RPRD1A: variants seen among roughly 807,000 people sequenced by gnomAD.
RPRD1A encodes regulation of nuclear pre-mRNA domain-containing protein 1A.
In RPRD1A, 9 loss-of-function variants were observed where a neutral mutation model predicts 37.8. The observed-to-expected ratio is 0.24, with a 90% confidence interval of 0.14 to 0.42. The LOEUF (loss-of-function observed/expected upper bound fraction) is 0.42, where lower values mean the gene tolerates loss of function less well. RPRD1A is among the 10% of genes least tolerant of loss of function. The probability of loss-of-function intolerance (pLI) is 1.00; values close to 1 mark genes in which losing one functional copy is unlikely to be tolerated. For synonymous variants in RPRD1A, 138 were observed against 139.7 expected (o/e 0.99, Z 0.08); for missense variants, 255 against 371.0 (o/e 0.69, Z 2.57).
At chr18:36,058,810 T>C (rs185628171) in intron 1 of RPRD1A, among the ~76,000 whole-genome samples, 2 of 152,324 alleles carry the variant, frequency 1.3e-5, no homozygotes, top group Admixed American at 1.3e-4. Flanking sequence ...CATCTATTAT[T>C]TGCCTTTTTT....
At position 36,067,185 on chromosome 18, in the gene RPRD1A, C is replaced by A. The variant is rs2089048742; in HGVS notation, c.151+69G>T. ...CGGGAAGCCGGGGGCGCTGGAGAAA[C>A]GGGGTTCCCGGGGGCGCCTGGAGGC... On this transcript the variant is annotated intron_variant, in intron 1 of 6. Transcript: ENST00000399022. 8 of 1,478,144 alleles carry A rather than the reference C, an allele frequency of 5.4e-6. No individual in the cohort carries two copies. In the East Asian group the frequency reaches 7.6e-5, roughly 14 times the overall value. The allele number at this position is 1,478,144 out of a possible 1,614,324, so 91.6% of individuals were successfully genotyped here. A position where few individuals can be genotyped will look rare whatever the true frequency, so the allele number is the denominator to read the frequency against.
At chr18:36,040,741 T>C (rs1912522319) in intron 1 of RPRD1A, 2 of 985,508 alleles carry the variant, frequency 2.0e-6, no homozygotes, top group Admixed American at 5.3e-5. Flanking sequence ...TAATCATCCC[T>C]AAAAATTTCT....
At chr18:36,058,444 T>G (rs1042966862) in intron 1 of RPRD1A, among the ~76,000 whole-genome samples, 2 of 152,266 alleles carry the variant, frequency 1.3e-5, no homozygotes, top group African/African-American at 4.8e-5. Flanking sequence ...GTTTGTTTAA[T>G]GTAGGAACAC....
chr18:35,995,567 C>G (rs1908999359), intron 6 of RPRD1A, among the ~76,000 whole-genome samples: 1 of 152,122 alleles, frequency 6.6e-6, no homozygotes, highest in Non-Finnish European at 1.5e-5. Flanking sequence ...TGTGCCCGGC[C>G]TTGTCTCCAA....
intron 6 of RPRD1A, among the ~76,000 whole-genome samples, chr18:36,009,307 T>C (rs1480059157): frequency 6.6e-6 from 1 of 152,006 alleles, no homozygotes; most frequent in Non-Finnish European, 1.5e-5. Context: ...ACTGCCCTTT[T>C]CCCCCGTTCC....
At chr18:36,050,526 A>T (rs867833408) in intron 1 of RPRD1A, among the ~76,000 whole-genome samples, 7 of 148,728 alleles carry the variant, frequency 4.7e-5, no homozygotes, top group East Asian at 2.0e-4. Flanking sequence ...GAATATACAT[A>T]AAAAAAAAAC....
At chr18:36,044,524 C>T (rs1314412560) in intron 1 of RPRD1A, among the ~76,000 whole-genome samples, 1 of 151,856 alleles carries the variant, frequency 6.6e-6, no homozygotes, top group African/African-American at 2.4e-5. Flanking sequence ...CCCATCTCTA[C>T]TAAAAATACA....
At chr18:36,040,922 T>C in intron 1 of RPRD1A, 2 of 1,001,604 alleles carry the variant, frequency 2.0e-6, no homozygotes, top group South Asian at 3.3e-5. Flanking sequence ...ATTAAATAGT[T>C]CTTTACAGTA....
intron 1 of RPRD1A, among the ~76,000 whole-genome samples, chr18:36,034,381 G>A (rs918977069): frequency 2.0e-5 from 3 of 152,064 alleles, no homozygotes; most frequent in African/African-American, 7.2e-5. Flanking sequence ...TAGATTACAT[G>A]GCCATAAATT....
intron 6 of RPRD1A, among the ~76,000 whole-genome samples, chr18:35,994,623 T>C (rs1402441890): frequency 1.3e-5 from 2 of 152,136 alleles, no homozygotes; most frequent in Non-Finnish European, 2.9e-5. Context: ...TTTTTAAGCA[T>C]GATAACTGTG....
chr18:36,033,299 CAAAAAAAAAAAAA>C (rs71166085), intron 2 of RPRD1A, among the ~76,000 whole-genome samples: 50 of 75,942 alleles, frequency 6.6e-4, no homozygotes, highest in African/African-American at 2.1e-3. Flanking sequence ...GACTCTGTCT[CAAAAAAAAAAAAA>C]AAAAAAAAAA....
Position 36,067,514 on chromosome 18 carries a change from A to C in RPRD1A, c.-110T>G. 1 of 1,167,930 alleles carries C rather than the reference A, an allele frequency of 8.6e-7. No homozygotes were observed. The highest frequency in any genetic ancestry group is 1.2e-6 in the Non-Finnish European group (1 of 845,028). The allele number at this position is 1,167,930 out of a possible 1,614,324, so 72.3% of individuals were successfully genotyped here. A position where few individuals can be genotyped will look rare whatever the true frequency, so the allele number is the denominator to read the frequency against. ...TCACCCCACCCTTCCCCACGCTCTC[A>C]CCACGGCCGCCGCTTCATCCAAGAC... On this transcript the variant is annotated 5_prime_UTR_variant, in exon 1 of 7. The change abolishes the stop of an existing upstream ORF in the 5' untranslated region. Transcript: ENST00000399022.
intron 6 of RPRD1A, chr18:36,025,205 A>C (rs1282492716): frequency 6.5e-6 from 1 of 153,890 alleles, no homozygotes; most frequent in Non-Finnish European, 1.4e-5. Flanking sequence ...CAAACAACTC[A>C]CTAGCTCTTT....
intron 1 of RPRD1A, among the ~76,000 whole-genome samples, chr18:36,056,027 T>C (rs1002712096): frequency 6.6e-6 from 1 of 152,150 alleles, no homozygotes; most frequent in Non-Finnish European, 1.5e-5. Context: ...AAGAAAATAC[T>C]AGAATATTTA....
intron 1 of RPRD1A, among the ~76,000 whole-genome samples, chr18:36,035,233 GTC>G (rs1399607554): frequency 2.6e-5 from 4 of 152,164 alleles, no homozygotes; most frequent in Non-Finnish European, 4.4e-5. Flanking sequence ...CCTTCCCAGT[GTC>G]AAATGAGTTT....
intron 1 of RPRD1A, among the ~76,000 whole-genome samples, chr18:36,053,571 T>C (rs1008240070): frequency 6.6e-6 from 1 of 152,238 alleles, no homozygotes. Context: ...CATCTGCTGA[T>C]GAACATGCAG....
At position 36,026,526 on chromosome 18, in the gene RPRD1A, A is replaced by G. The variant is rs999762274; in HGVS notation, c.789+374T>C. ...AATTTAAAGACTTAATGGTATACCTAAAAGACTACATCTTCTCAAAACAGA... is the reference window on the plus strand; with the variant it reads ...AATTTAAAGACTTAATGGTATACCTGAAAGACTACATCTTCTCAAAACAGA... On this transcript the variant is annotated intron_variant, in intron 6 of 6. Transcript: ENST00000399022. 2.3e-5 allele frequency: 4 copies of G among 174,094 alleles called. No homozygotes were observed. The South Asian group carries it at 5.3e-4, about 23-fold the overall frequency. The allele number at this position is 174,094 out of a possible 1,614,324, so 10.8% of individuals were successfully genotyped here.
At chr18:36,053,910 C>T (rs1457761375) in intron 1 of RPRD1A, among the ~76,000 whole-genome samples, 1 of 152,078 alleles carries the variant, frequency 6.6e-6, no homozygotes, top group Middle Eastern at 3.2e-3. Flanking sequence ...GGGGTTGAAA[C>T]AATCTTGAAG....
At chr18:36,058,882 CTG>C (rs2144411360) in intron 1 of RPRD1A, among the ~76,000 whole-genome samples, 1 of 152,244 alleles carries the variant, frequency 6.6e-6, no homozygotes, top group South Asian at 2.1e-4. Flanking sequence ...TACAGCAAGA[CTG>C]AATGCAGAAA....
Sources: allele counts gnomAD v4.1 joint callset (sites outside exome capture counted in the v4.1 genomes callset), GRCh38; gene constraint gnomAD v4.1.1; transcripts MANE v1.5; gene names NCBI Gene and HGNC (gene_info 2026-07-23, HGNC 2026-07-21).